The following MSR1 variants were observed in gnomAD, a reference collection of about 807,000 sequenced individuals.
MSR1 encodes the protein macrophage scavenger receptor types I and II.
MSR1 carries 53 observed loss-of-function variants against 47.2 expected under a neutral mutation model. That is an observed-to-expected ratio of 1.12 (90% confidence interval 0.90 to 1.41). The LOEUF (loss-of-function observed/expected upper bound fraction) is 1.41. MSR1 is among the 40% of genes most tolerant of loss of function. The pLI is 0.00. For missense variants in MSR1, 786 were observed against 546.9 expected (o/e 1.44, Z -4.36); for synonymous variants, 239 against 185.6 (o/e 1.29, Z -2.34).
chr8:16,125,037 GAA>G (rs144781342), intron 8 of MSR1, among the ~76,000 whole-genome samples: 1 of 151,960 alleles, frequency 6.6e-6, no homozygotes, highest in Non-Finnish European at 1.5e-5. Context: ...TGTTTTTATG[GAA>G]AAAAACCCAT....
At chr8:16,168,099 T>C (rs1697401877) in intron 4 of MSR1, among the ~76,000 whole-genome samples, 1 of 152,184 alleles carries the variant, frequency 6.6e-6, no homozygotes, top group Non-Finnish European at 1.5e-5. Flanking sequence ...ATATCAAATA[T>C]GTCTGTTGCA....
chr8:16,183,456 C>T (rs1801895809), intron 1 of MSR1, among the ~76,000 whole-genome samples: 1 of 149,018 alleles, frequency 6.7e-6, no homozygotes, highest in Non-Finnish European at 1.5e-5. Context: ...ATAGAATATG[C>T]TGAATATTCA....
intron 7 of MSR1, among the ~76,000 whole-genome samples, chr8:16,146,275 C>T (rs1436141391): frequency 3.3e-5 from 5 of 152,156 alleles, no homozygotes; most frequent in Middle Eastern, 3.4e-3. Context: ...TAACCTTACA[C>T]TATCTTTTTT....
intron 6 of MSR1, among the ~76,000 whole-genome samples, chr8:16,153,196 A>G (rs1434176789): frequency 2.0e-5 from 3 of 151,934 alleles, no homozygotes; most frequent in African/African-American, 7.2e-5. Context: ...GAAGCAATAA[A>G]CCTGCTCAGA....
chr8:16,172,635 T>C (rs1801518744), intron 3 of MSR1, among the ~76,000 whole-genome samples: 3 of 152,110 alleles, frequency 2.0e-5, no homozygotes, highest in African/African-American at 7.2e-5. Flanking sequence ...CAAATGGATA[T>C]TGTTTTCAGC....
At chr8:16,182,583 C>A (rs1440462551) in intron 1 of MSR1, among the ~76,000 whole-genome samples, 1 of 149,664 alleles carries the variant, frequency 6.7e-6, no homozygotes, top group Non-Finnish European at 1.5e-5. Flanking sequence ...AATGTTTCTA[C>A]TTCTTTAACT....
intron 8 of MSR1, among the ~76,000 whole-genome samples, chr8:16,124,769 A>C (rs1298506923): frequency 6.6e-6 from 1 of 152,160 alleles, no homozygotes; most frequent in African/African-American, 2.4e-5. Context: ...AGCATCTGAC[A>C]AGATGCAAGT....
chr8:16,134,171 T>C (rs1160078618), intron 8 of MSR1, among the ~76,000 whole-genome samples: 1 of 152,190 alleles, frequency 6.6e-6, no homozygotes, highest in Non-Finnish European at 1.5e-5. Context: ...ACAAGTTTCA[T>C]CATAAATTTC....
intron 1 of MSR1, among the ~76,000 whole-genome samples, chr8:16,185,488 A>C (rs1006795878): frequency 1.3e-5 from 2 of 152,118 alleles, no homozygotes; most frequent in East Asian, 1.9e-4. Flanking sequence ...ATTATCATCT[A>C]CTTACTGTAT....
At position 16,120,582 on chromosome 8, in the gene MSR1, A is replaced by C; in HGVS notation, c.1058T>G (p.Val353Gly). ...TLTPFTKVRL[V>G]GGSGPHEGRV... Reference sequence around the variant, plus strand: ...CCCCTCGTGAGGGCCGCTCCCACCGACCAGTCGAACTTTCGTAAATGGAGC... The same window carrying C: ...CCCCTCGTGAGGGCCGCTCCCACCGCCCAGTCGAACTTTCGTAAATGGAGC... The change falls in exon 9 of 10, where the codon GTC becomes GGC. Residue 353 changes from valine to glycine, a missense_variant. Physicochemically the swap from Val to Gly is moderately radical, Grantham distance 109. Transcript: ENST00000262101. 1 of 1,599,522 alleles carries C rather than the reference A, an allele frequency of 6.3e-7. No homozygotes were observed. Among genetic ancestry groups the C allele is most frequent in the Non-Finnish European group, 8.5e-7 (1 of 1,177,650 alleles).
chr8:16,110,742 T>C (rs1799738885), intron 9 of MSR1, among the ~76,000 whole-genome samples: 3 of 152,116 alleles, frequency 2.0e-5, no homozygotes, highest in Non-Finnish European at 2.9e-5. Flanking sequence ...ACATTATCTG[T>C]TTTTAATTAA....
intron 8 of MSR1, among the ~76,000 whole-genome samples, chr8:16,129,029 T>C (rs765172510): frequency 1.9e-4 from 29 of 152,146 alleles, no homozygotes; most frequent in Non-Finnish European, 3.7e-4. Context: ...AGGTGGAAGA[T>C]GTTTTATAAT....
chr8:16,186,981 C>A (rs1802018451), intron 1 of MSR1, among the ~76,000 whole-genome samples: 1 of 152,026 alleles, frequency 6.6e-6, no homozygotes, highest in African/African-American at 2.4e-5. Flanking sequence ...TCTCCACACA[C>A]TTCCCAGAAG....
At chr8:16,117,690 G>C (rs1157754120) in intron 9 of MSR1, among the ~76,000 whole-genome samples, 3 of 152,104 alleles carry the variant, frequency 2.0e-5, no homozygotes, top group Non-Finnish European at 2.9e-5. Flanking sequence ...GTTTTCTACA[G>C]TGATAGCAAC....
At chr8:16,166,453 G>A (rs954655446) in intron 4 of MSR1, among the ~76,000 whole-genome samples, 11 of 151,922 alleles carry the variant, frequency 7.2e-5, no homozygotes, top group South Asian at 6.2e-4. Context: ...GAGGCACTGC[G>A]CCTGGCAGCT....
chr8:16,139,295 A>G (rs987191414), intron 8 of MSR1: 1 of 984,148 alleles, frequency 1.0e-6, no homozygotes, highest in African/African-American at 1.7e-5. Flanking sequence ...TCCAGTTCAG[A>G]GAGATCACTG....
At chr8:16,139,375 C>T (rs575035540) in intron 8 of MSR1, 1 of 938,698 alleles carries the variant, frequency 1.1e-6, no homozygotes, top group Non-Finnish European at 1.3e-6. Flanking sequence ...CAATATCTTA[C>T]TTGATCCTCA....
chr8:16,132,934 G>A (rs1471422010), intron 8 of MSR1, among the ~76,000 whole-genome samples: 2 of 152,194 alleles, frequency 1.3e-5, no homozygotes, highest in East Asian at 3.9e-4. Flanking sequence ...ATTATTTTGA[G>A]ATATGTTCCT....
chr8:16,185,118 T>A (rs1032839805), intron 1 of MSR1, among the ~76,000 whole-genome samples: 10 of 150,458 alleles, frequency 6.6e-5, no homozygotes, highest in African/African-American at 2.2e-4. Context: ...GATTGGTTTA[T>A]CATGAACTGC....
Sources: allele counts gnomAD v4.1 joint callset (sites outside exome capture counted in the v4.1 genomes callset), GRCh38; gene constraint gnomAD v4.1.1; transcripts MANE v1.5; gene names NCBI Gene and HGNC (gene_info 2026-07-23, HGNC 2026-07-21).